The following METTL8 variants were observed in gnomAD, a reference collection of about 807,000 sequenced individuals.
METTL8 encodes the protein tRNA N(3)-cytidine methyltransferase METTL8, mitochondrial.
Under a neutral mutation model 48.7 loss-of-function variants are expected in METTL8, and 32 were observed. The ratio of observed to expected loss-of-function variants is 0.66; its 90% CI spans 0.50 to 0.88. The LOEUF is 0.88. Ranked by LOEUF, METTL8 falls within the 40% of genes least tolerant of loss-of-function variation. METTL8 has a pLI of 0.00. For synonymous variants in METTL8, 136 were observed against 157.1 expected (o/e 0.87, Z 1.01); for missense variants, 464 against 474.4 (o/e 0.98, Z 0.20).
intron 1 of METTL8, among the ~76,000 whole-genome samples, chr2:171,397,574 A>G (rs76110583): frequency 1.0e-4 from 15 of 148,172 alleles, no homozygotes; most frequent in Admixed American, 3.4e-4. Flanking sequence ...AAAAAAAAAA[A>G]AGAGAGAGAG....
intron 1 of METTL8, among the ~76,000 whole-genome samples, chr2:171,403,581 A>G (rs750232499): frequency 6.6e-6 from 1 of 152,092 alleles, no homozygotes; most frequent in African/African-American, 2.4e-5. Context: ...TAAAATATGG[A>G]CTTTAGTTAA....
At chr2:171,337,409 A>G in intron 5 of METTL8, 44 bp downstream of exon 5, 1 of 1,436,086 alleles carries the variant, frequency 7.0e-7, no homozygotes, top group Non-Finnish European at 9.5e-7. Flanking sequence ...TCAACATTCC[A>G]TAAATATGTA....
At chr2:171,423,140 G>A (rs553742121) in intron 1 of METTL8, among the ~76,000 whole-genome samples, 15 of 152,310 alleles carry the variant, frequency 9.8e-5, no homozygotes, top group East Asian at 5.8e-4. Context: ...TGTGAAGAAC[G>A]ATGTGTTTGC....
intron 3 of METTL8, among the ~76,000 whole-genome samples, chr2:171,354,140 G>T (rs1179359025): frequency 2.0e-5 from 3 of 152,150 alleles, no homozygotes; most frequent in Non-Finnish European, 4.4e-5. Context: ...AGGAGCTCTT[G>T]TAGGGCAGGC....
Position 171,322,580 on chromosome 2 carries a change from CA to C in METTL8, c.*1591del, listed in dbSNP as rs75010858. On this transcript the variant is annotated 3_prime_UTR_variant, in exon 10 of 10. Transcript: ENST00000375258. ...TGAAACCCCGTCTCTACTAAAAATA[CA>C]AAAAAAAAAAAAATTAGCTGGGCAT... 500 of 133,620 alleles carry C rather than the reference CA, an allele frequency of 3.7e-3. 6 individuals are homozygous for C. The highest frequency in any genetic ancestry group is 0.032 in the East Asian group (148 of 4,556). 8.3% of individuals were successfully genotyped at this position (133,620 alleles called of 1,614,324 possible).
At chr2:171,325,727 A>C (rs1223308225) in intron 9 of METTL8, 114 bp downstream of exon 9, 2 of 666,396 alleles carry the variant, frequency 3.0e-6, no homozygotes, top group Admixed American at 5.9e-5. Context: ...GAAGACATCT[A>C]ATGCTTAATC....
chr2:171,384,655 C>G (rs1219608986), intron 2 of METTL8, among the ~76,000 whole-genome samples: 1 of 151,762 alleles, frequency 6.6e-6, no homozygotes, highest in Non-Finnish European at 1.5e-5. Flanking sequence ...CATAGTGAGA[C>G]CCCACCTCTA....
intron 1 of METTL8, among the ~76,000 whole-genome samples, chr2:171,418,631 AT>A (rs946334172): frequency 2.6e-5 from 4 of 151,956 alleles, no homozygotes; most frequent in African/African-American, 9.7e-5. Flanking sequence ...TGCTGCTCAA[AT>A]TATTTTGAGC....
chr2:171,421,082 G>T (rs1691823686), intron 1 of METTL8, among the ~76,000 whole-genome samples: 3 of 152,132 alleles, frequency 2.0e-5, no homozygotes, highest in Non-Finnish European at 4.4e-5. Flanking sequence ...AGTAAAAGGT[G>T]GAGGAGGAAG....
intron 2 of METTL8, among the ~76,000 whole-genome samples, chr2:171,387,914 T>C (rs1688232781): frequency 6.6e-6 from 1 of 152,198 alleles, no homozygotes. Context: ...GCTAGTCTGA[T>C]AACAATTTTG....
chr2:171,410,782 G>A (rs1386247288), intron 1 of METTL8, among the ~76,000 whole-genome samples: 1 of 152,140 alleles, frequency 6.6e-6, no homozygotes, highest in Non-Finnish European at 1.5e-5. Context: ...AAACAGCTTG[G>A]AAGAATAATA....
chr2:171,392,482 C>T (rs956147654), intron 1 of METTL8, among the ~76,000 whole-genome samples: 1 of 152,104 alleles, frequency 6.6e-6, no homozygotes, highest in African/African-American at 2.4e-5. Flanking sequence ...TAATTTTTAG[C>T]ACATGATCAA....
chr2:171,324,402 C>T (rs1684719165), intron 9 of METTL8, 40 bp from the exon 10 acceptor site: 2 of 1,523,058 alleles, frequency 1.3e-6, no homozygotes, highest in Non-Finnish European at 1.8e-6. Context: ...TGACATGTGA[C>T]TAGAGATGGG....
rs10190558 is a variant in METTL8, at chr2:171,409,987, A to G, written c.-12-17790T>C. ...CAAAGAAGTAAACCTTATCCCAGGA[A>G]ACTATATAAACTTAAAAAAATCAAT... On this transcript the variant is annotated intron_variant, in intron 1 of 9. Coordinates refer to ENST00000375258, the MANE Select transcript of METTL8 (RefSeq NM_001321154.2). Among the ~76,000 whole-genome samples, 964 of 152,312 alleles carry G rather than the reference A, an allele frequency of 6.3e-3. 11 individuals carry two copies. The highest frequency in any genetic ancestry group is 0.022 in the African/African-American group (915 of 41,580).
chr2:171,425,617 CTG>C (rs1394608890), intron 1 of METTL8, among the ~76,000 whole-genome samples: 1 of 152,192 alleles, frequency 6.6e-6, no homozygotes. Flanking sequence ...TAGAACAGGA[CTG>C]TGAGTCGCAG....
chr2:171,326,057 G>T lies in METTL8; in HGVS notation c.952C>A (p.Leu318Ile). The part of the protein sequence containing the change: ...RDYGRYDKTQ[L>I]RFKKGHCLSE... Reference sequence around the variant, plus strand: ...ATACTATTACCCTTTTTAAAACGAAGCTGAGTCTTATCATATCTTCCATAG... The same window carrying T: ...ATACTATTACCCTTTTTAAAACGAATCTGAGTCTTATCATATCTTCCATAG... Residue 318 changes from leucine to isoleucine, a missense_variant, in exon 8 of 10, where the codon CTT becomes ATT. Transcript: ENST00000375258. The T allele has an allele frequency of 1.9e-6, 3 of 1,538,722 alleles. No individual in the cohort carries two copies. The highest frequency in any genetic ancestry group is 2.6e-6 in the Non-Finnish European group (3 of 1,137,284).
intron 9 of METTL8, among the ~76,000 whole-genome samples, chr2:171,325,220 C>T (rs1684829328): frequency 6.6e-6 from 1 of 151,742 alleles, no homozygotes. Flanking sequence ...AAGATTCACT[C>T]TGCTGCCCAG....
chr2:171,405,665 C>T (rs953451341), intron 1 of METTL8, among the ~76,000 whole-genome samples: 3 of 152,114 alleles, frequency 2.0e-5, no homozygotes, highest in African/African-American at 7.2e-5. Context: ...AGAGAACACA[C>T]ACACACAAAG....
intron 3 of METTL8, among the ~76,000 whole-genome samples, chr2:171,350,590 G>T (rs1301662230): frequency 1.3e-5 from 2 of 152,174 alleles, no homozygotes; most frequent in Non-Finnish European, 2.9e-5. Context: ...CAGTTTAAAA[G>T]TGTTCCTATT....
Sources: allele counts gnomAD v4.1 joint callset (sites outside exome capture counted in the v4.1 genomes callset), GRCh38; gene constraint gnomAD v4.1.1; transcripts MANE v1.5; gene names NCBI Gene and HGNC (gene_info 2026-07-23, HGNC 2026-07-21).